NREP: variants seen among roughly 807,000 people sequenced by gnomAD.
NREP encodes the protein neuronal regeneration related protein.
NREP carries 5 observed loss-of-function variants against 8.6 expected under a neutral mutation model. The observed-to-expected ratio is 0.58, with a 90% CI of 0.30 to 1.22. NREP has a LOEUF of 1.22. NREP is among the 50% of genes most tolerant of loss of function. The pLI is 0.07. For synonymous variants in NREP, 27 were observed against 28.0 expected (o/e 0.96, Z 0.11); for missense variants, 86 against 82.5 (o/e 1.04, Z -0.17).
At chr5:111,845,897 G>A (rs967066580) in intron 2 of NREP, among the ~76,000 whole-genome samples, 3 of 150,916 alleles carry the variant, frequency 2.0e-5, no homozygotes, top group Non-Finnish European at 4.4e-5. Flanking sequence ...CATAGGAATA[G>A]AAGTAATTTT....
intron 2 of NREP, among the ~76,000 whole-genome samples, chr5:111,945,569 G>T (rs1755955069): frequency 6.6e-6 from 1 of 151,740 alleles, no homozygotes. Context: ...CAGAAGAAAA[G>T]AGGAAAGTCA....
chr5:111,803,936 A>T (rs368501267), intron 2 of NREP, among the ~76,000 whole-genome samples: 24 of 152,342 alleles, frequency 1.6e-4, no homozygotes, highest in African/African-American at 5.5e-4. Flanking sequence ...TAAAGTCATG[A>T]ACATATCAGT....
chr5:111,875,368 A>G lies in NREP; in HGVS notation c.135+99906T>C, dbSNP rs1753880024. ...AGTTATCAATTAATTAAAAAAAACTAAAAACCTCTCATTATCTTTTTCTGG... is the reference window on the plus strand; with the variant it reads ...AGTTATCAATTAATTAAAAAAAACTGAAAACCTCTCATTATCTTTTTCTGG... On this transcript the variant is annotated intron_variant, in intron 2 of 3. Coordinates refer to the NREP transcript ENST00000395634. Among the ~76,000 whole-genome samples, 3 of 152,174 alleles carry G rather than the reference A, an allele frequency of 2.0e-5. No homozygotes were observed. In the South Asian group the frequency reaches 6.2e-4, roughly 32 times the overall value.
chr5:111,804,271 C>A (rs1752085083), intron 2 of NREP, among the ~76,000 whole-genome samples: 1 of 152,128 alleles, frequency 6.6e-6, no homozygotes, highest in South Asian at 2.1e-4. Context: ...TTTCAAAACA[C>A]TGGAGGAATA....
At chr5:111,735,661 G>A (rs1749039232) in intron 2 of NREP, among the ~76,000 whole-genome samples, 154 bp from the exon 3 acceptor site, 1 of 152,172 alleles carries the variant, frequency 6.6e-6, no homozygotes, top group Non-Finnish European at 1.5e-5. Context: ...CTTTCAAACT[G>A]TTAGTGTGCT....
chr5:111,878,358 A>G (rs560502789), intron 2 of NREP, among the ~76,000 whole-genome samples: 1 of 152,188 alleles, frequency 6.6e-6, no homozygotes, highest in African/African-American at 2.4e-5. Flanking sequence ...GAAGAAGCAC[A>G]TCTTACATGG....
At chr5:111,779,203 T>C (rs1406047525) in intron 2 of NREP, among the ~76,000 whole-genome samples, 1 of 152,204 alleles carries the variant, frequency 6.6e-6, no homozygotes, top group African/African-American at 2.4e-5. Context: ...GATAAGCTTA[T>C]TGCTGTGTTG....
At chr5:111,771,157 A>T (rs1034011692) in intron 2 of NREP, among the ~76,000 whole-genome samples, 21 of 152,198 alleles carry the variant, frequency 1.4e-4, no homozygotes, top group African/African-American at 5.1e-4. Flanking sequence ...AATGCTTCAC[A>T]TAGTAGGTAA....
At chr5:111,857,311 C>CT (rs1427581501) in intron 2 of NREP, among the ~76,000 whole-genome samples, 1 of 152,166 alleles carries the variant, frequency 6.6e-6, no homozygotes, top group Non-Finnish European at 1.5e-5. Context: ...GTAGTACGGG[C>CT]TTTACTGTGA....
rs1048262261 is a variant in NREP, at chr5:111,917,075, T to C, written c.135+58199A>G. The stretch of plus-strand genomic sequence containing the variant: ...ATGTTGGCATACTTTCGGGGTCTTG[T>C]GTCCCTTTTCCCATGATTCTTTCCT... On this transcript the variant is annotated intron_variant, in intron 2 of 3. Transcript: ENST00000395634. Among the ~76,000 whole-genome samples the C allele has an allele frequency of 5.9e-5, 9 of 152,256 alleles. 3 individuals carry two copies. The highest frequency in any genetic ancestry group is 5.9e-4 in the Admixed American group (9 of 15,284).
intron 2 of NREP, among the ~76,000 whole-genome samples, chr5:111,883,379 C>T (rs1286294691): frequency 6.6e-6 from 1 of 152,142 alleles, no homozygotes; most frequent in African/African-American, 2.4e-5. Flanking sequence ...TAATGGGAGA[C>T]TTTAACAACC....
chr5:111,932,788 C>T (rs1040678830), intron 2 of NREP, among the ~76,000 whole-genome samples: 5 of 152,186 alleles, frequency 3.3e-5, no homozygotes, highest in South Asian at 4.2e-4. Flanking sequence ...CATACTGCCG[C>T]GGAAGCCAAA....
chr5:111,970,155 T>C (rs1314406931), intron 2 of NREP, among the ~76,000 whole-genome samples: 1 of 152,220 alleles, frequency 6.6e-6, no homozygotes, highest in Non-Finnish European at 1.5e-5. Flanking sequence ...ATTTTTCAAC[T>C]ATAATTAAGT....
At chr5:111,874,751 G>T (rs531633508) in intron 2 of NREP, among the ~76,000 whole-genome samples, 1 of 152,182 alleles carries the variant, frequency 6.6e-6, no homozygotes, top group South Asian at 2.1e-4. Context: ...GGCTTTTTCG[G>T]TGTTACCTTG....
intron 2 of NREP, among the ~76,000 whole-genome samples, chr5:111,946,841 C>G (rs34307202): frequency 6.6e-6 from 1 of 152,034 alleles, no homozygotes; most frequent in South Asian, 2.1e-4. Flanking sequence ...CAAGAGCAGC[C>G]ACATCTTCCT....
chr5:111,903,963 C>A (rs1161794797), intron 2 of NREP, among the ~76,000 whole-genome samples: 2 of 151,950 alleles, frequency 1.3e-5, no homozygotes, highest in Non-Finnish European at 2.9e-5. Context: ...TTTAGTCTAC[C>A]AATTAATGAA....
At chr5:111,928,580 C>T (rs1000584733) in intron 2 of NREP, among the ~76,000 whole-genome samples, 2 of 152,194 alleles carry the variant, frequency 1.3e-5, no homozygotes, top group East Asian at 1.9e-4. Context: ...TAATGTGTTG[C>T]CCCCTCTAAT....
chr5:111,813,649 T>G (rs1752317815), intron 2 of NREP, among the ~76,000 whole-genome samples: 1 of 152,194 alleles, frequency 6.6e-6, no homozygotes, highest in South Asian at 2.1e-4. Context: ...AAGTAATATA[T>G]GGATCATACT....
chr5:111,761,123 T>A (rs189072368), upstream of NREP, among the ~76,000 whole-genome samples: 1 of 152,366 alleles, frequency 6.6e-6, no homozygotes, highest in East Asian at 1.9e-4. Flanking sequence ...TTGGAGTTCA[T>A]ACCATAGTGC....
Sources: gnomAD v4.1 joint callset for allele counts (sites outside exome capture counted in the v4.1 genomes callset) on GRCh38, gnomAD v4.1.1 for gene constraint, MANE v1.5 for transcripts, NCBI Gene and HGNC (gene_info 2026-07-23, HGNC 2026-07-21) for gene names.